DENND2C: variants seen among roughly 807,000 people sequenced by gnomAD.
DENND2C encodes DENN domain-containing protein 2C.
In DENND2C, 72 loss-of-function variants were observed where a neutral mutation model predicts 112.4. The ratio of observed to expected loss-of-function variants is 0.64; its 90% CI spans 0.53 to 0.78. The LOEUF (loss-of-function observed/expected upper bound fraction) is 0.78. Among genes scored for constraint, DENND2C ranks in the 30% least tolerant of loss-of-function variants. DENND2C has a pLI of 0.00. For synonymous variants in DENND2C, 329 were observed against 381.6 expected (o/e 0.86, Z 1.61); for missense variants, 992 against 1,113.8 (o/e 0.89, Z 1.56).
At chr1:114,591,424 C>T (rs969207305) in intron 18 of DENND2C, among the ~76,000 whole-genome samples, 1 of 151,956 alleles carries the variant, frequency 6.6e-6, no homozygotes, top group South Asian at 2.1e-4. Context: ...AATGTTTGTT[C>T]CTATCTTTTC....
chr1:114,642,223 T>A (rs931131320), intron 3 of DENND2C, among the ~76,000 whole-genome samples: 1 of 152,186 alleles, frequency 6.6e-6, no homozygotes, highest in Non-Finnish European at 1.5e-5. Context: ...AGTGCTAGGA[T>A]TACAGGTGTG....
chr1:114,633,771 G>A (rs1042912927), intron 3 of DENND2C, among the ~76,000 whole-genome samples: 1 of 151,972 alleles, frequency 6.6e-6, no homozygotes, highest in African/African-American at 2.4e-5. Flanking sequence ...ATAGCAAGAT[G>A]GTACACTTAA....
intron 18 of DENND2C, among the ~76,000 whole-genome samples, chr1:114,593,369 G>A (rs1165600743): frequency 6.6e-6 from 1 of 152,160 alleles, no homozygotes. Context: ...CTAAATGTTT[G>A]CTTTTAGCCC....
In DENND2C at chr1:114,625,504, G is replaced by A; in HGVS notation, c.481C>T (p.Leu161Phe). The A allele has an allele frequency of 7.4e-6, 12 of 1,614,074 alleles. No individual in the cohort carries two copies. Among genetic ancestry groups the A allele is most frequent in the Non-Finnish European group, 9.3e-6 (11 of 1,179,986 alleles). ...CAATGTTCTAAAGCCAAATTTAAGAGTTTATCTGGGGGAAGTGCTTCTATT... is the reference window on the plus strand; with the variant it reads ...CAATGTTCTAAAGCCAAATTTAAGAATTTATCTGGGGGAAGTGCTTCTATT... ...KKIEALPPDK[L>F]LNLALEHCDS... The change falls in exon 4 of 21, where the codon CTC (leucine) becomes TTC (phenylalanine). Residue 161 changes from leucine to phenylalanine, a missense_variant. Transcript: ENST00000393274.
At position 114,587,427 on chromosome 1, in the gene DENND2C, C is replaced by A. The variant is rs1557936236; in HGVS notation, c.2715G>T (p.Glu905Asp). 1 of 1,614,180 alleles carries A rather than the reference C, an allele frequency of 6.2e-7. No individual in the cohort carries two copies. Among genetic ancestry groups the A allele is most frequent in the Non-Finnish European group, 8.5e-7 (1 of 1,180,038 alleles). Residue 905 changes from glutamate to aspartate, a missense_variant, in exon 20 of 21, where the codon GAG (glutamate) becomes GAT (aspartate). By Grantham distance (45) the Glu-to-Asp change is conservative (BLOSUM62 2). Transcript: ENST00000393274. ...RAIQYLETIP[E>D]SEPSGMNRIL... ...TTCTATTCATCCCACTGGGCTCCGA[C>A]TCAGGAATTGTTTCCAAATACTGGA...
intron 8 of DENND2C, among the ~76,000 whole-genome samples, chr1:114,612,263 G>T (rs1329031780): frequency 6.6e-6 from 1 of 151,982 alleles, no homozygotes; most frequent in African/African-American, 2.4e-5. Flanking sequence ...TATTGATGAA[G>T]ATTATGGGGA....
chr1:114,626,004 A>G lies in DENND2C; in HGVS notation c.-20T>C, dbSNP rs1656332875. On this transcript the variant is annotated 5_prime_UTR_variant, in exon 4 of 21. Transcript: ENST00000393274. ...ATCCATGTTCCCAACTGGGTGAATGACAAGTGATGAATCTTACAAAGGTTC... is the reference window on the plus strand; with the variant it reads ...ATCCATGTTCCCAACTGGGTGAATGGCAAGTGATGAATCTTACAAAGGTTC... The G allele has an allele frequency of 1.9e-6, 3 of 1,585,872 alleles. No individual in the cohort carries two copies. Among genetic ancestry groups the G allele is most frequent in the South Asian group, 1.1e-5 (1 of 88,088 alleles).
At chr1:114,650,767 TC>T (rs144396920) in intron 2 of DENND2C, among the ~76,000 whole-genome samples, 3,987 of 152,254 alleles carry the variant, frequency 0.026, 93 homozygotes, top group Non-Finnish European at 0.034. Flanking sequence ...AATGTAACTT[TC>T]TATTTCATTC....
intron 10 of DENND2C, among the ~76,000 whole-genome samples, chr1:114,606,667 G>C (rs1655664120): frequency 6.6e-6 from 1 of 152,070 alleles, no homozygotes; most frequent in South Asian, 2.1e-4. Flanking sequence ...TTTTTCTTCT[G>C]TGGCCTCTGT....
rs748828925 is a variant in DENND2C at position 114,587,851 on chromosome 1, G to A, written c.2533C>T (p.Arg845Cys). ...LNMTVTERGE[R>C]VFQREPFRKS... is the part of the protein sequence containing the mutation. The stretch of plus-strand genomic sequence containing the variant: ...CGGAATGGTTCCCTTTGGAAAACAC[G>A]CTCCCCACGCTCAGTGACAGTCATG... Residue 845 changes from arginine (R) to cysteine (C), a missense_variant, in exon 19 of 21, where the codon CGT (arginine) becomes TGT (cysteine). By Grantham distance (180) the Arg-to-Cys change is radical (BLOSUM62 -3). This residue lies in a region of DENND2C where 516 missense variants were observed against 623.6 expected (regional missense o/e 0.83). Coordinates refer to ENST00000393274, the MANE Select transcript of DENND2C (RefSeq NM_001256404.2). The A allele has an allele frequency of 7.5e-5, 121 of 1,613,850 alleles. No homozygotes were observed. Among genetic ancestry groups the A allele is most frequent in the Non-Finnish European group, 9.8e-5 (116 of 1,179,994 alleles).
chr1:114,621,282 A>C (rs1656157754), intron 7 of DENND2C, among the ~76,000 whole-genome samples: 2 of 152,274 alleles, frequency 1.3e-5, no homozygotes, highest in South Asian at 4.1e-4. Context: ...TAAATAAGAA[A>C]AAAAAATATA....
At chr1:114,655,900 A>ATATATATATATATATATATG (rs1553238226) in intron 1 of DENND2C, among the ~76,000 whole-genome samples, 1 of 143,716 alleles carries the variant, frequency 7.0e-6, no homozygotes, top group African/African-American at 2.6e-5. Context: ...ATATATATAT[A>ATATATATATATATATATATG]ATATGTATGT....
chr1:114,601,609 C>T (rs200265423), intron 12 of DENND2C, 24 bp from the exon 13 acceptor site: 2 of 1,584,618 alleles, frequency 1.3e-6, no homozygotes, highest in Non-Finnish European at 8.6e-7. Context: ...ACAACAACAA[C>T]AAAAAAATCA....
intron 7 of DENND2C, among the ~76,000 whole-genome samples, chr1:114,619,061 CTATT>C (rs1325413766): frequency 1.3e-5 from 2 of 152,174 alleles, no homozygotes; most frequent in Non-Finnish European, 2.9e-5. Context: ...ACTCATCAAT[CTATT>C]TCTCAAGCAA....
At chr1:114,658,456 G>A (rs1351983359) in intron 1 of DENND2C, among the ~76,000 whole-genome samples, 1 of 151,988 alleles carries the variant, frequency 6.6e-6, no homozygotes, top group African/African-American at 2.4e-5. Context: ...TTTGGTAAGA[G>A]GGCATTAAAT....
chr1:114,602,967 G>A (rs994571609), intron 11 of DENND2C, among the ~76,000 whole-genome samples: 8 of 152,122 alleles, frequency 5.3e-5, no homozygotes, highest in African/African-American at 2.4e-5. Flanking sequence ...CTTTAGTTCT[G>A]AGAGGCTGTA....
intron 10 of DENND2C, among the ~76,000 whole-genome samples, chr1:114,608,081 A>C (rs1655705747): frequency 6.6e-6 from 1 of 152,068 alleles, no homozygotes; most frequent in Non-Finnish European, 1.5e-5. Flanking sequence ...GTTCTAGATC[A>C]CCCTGGCCAA....
chr1:114,625,056 C>T, intron 4 of DENND2C, 123 bp downstream of exon 4: 1 of 908,026 alleles, frequency 1.1e-6, no homozygotes, highest in Non-Finnish European at 1.6e-6. Flanking sequence ...TCAACACCTG[C>T]ATGTTCAAAG....
intron 1 of DENND2C, among the ~76,000 whole-genome samples, chr1:114,664,471 T>G (rs1288678031): frequency 6.6e-6 from 1 of 151,772 alleles, no homozygotes; most frequent in Non-Finnish European, 1.5e-5. Context: ...ATTTATGTAT[T>G]TATTTATTTA....
Sources: allele counts gnomAD v4.1 joint callset (sites outside exome capture counted in the v4.1 genomes callset), GRCh38; gene constraint gnomAD v4.1.1; regional missense constraint gnomAD v4.1.1; transcripts MANE v1.5; gene names NCBI Gene and HGNC (gene_info 2026-07-23, HGNC 2026-07-21).